ULK4: variants seen among roughly 807,000 people sequenced by gnomAD.
The protein encoded by ULK4 is unc-51 like kinase 4, also known as inactive serine/threonine-protein kinase ULK4.
ULK4 carries 133 observed loss-of-function variants against 160.6 expected under a neutral mutation model. That is an observed-to-expected ratio of 0.83 (90% CI 0.72 to 0.96). ULK4 has a LOEUF of 0.96. Ranked by LOEUF, ULK4 falls within the 40% of genes least tolerant of loss-of-function variation. The pLI is 0.00. For synonymous variants in ULK4, 534 were observed against 539.8 expected (o/e 0.99, Z 0.15); for missense variants, 1,580 against 1,499.5 (o/e 1.05, Z -0.89).
At chr3:41,645,291 T>C (rs1012658341) in intron 30 of ULK4, among the ~76,000 whole-genome samples, 7 of 151,784 alleles carry the variant, frequency 4.6e-5, no homozygotes, top group Non-Finnish European at 7.4e-5. Context: ...TGTTAGGGTG[T>C]CAATATTGGA....
intron 18 of ULK4, among the ~76,000 whole-genome samples, chr3:41,826,119 T>A (rs1232261929): frequency 1.3e-5 from 2 of 152,164 alleles, no homozygotes; most frequent in Admixed American, 1.3e-4. Context: ...TGACAGATTT[T>A]GACACCACCA....
At chr3:41,645,270 TTTAA>T (rs1269724276) in intron 30 of ULK4, among the ~76,000 whole-genome samples, 1 of 151,814 alleles carries the variant, frequency 6.6e-6, no homozygotes, top group Non-Finnish European at 1.5e-5. Context: ...TTCTAGTTCT[TTTAA>T]TTGTGATGTT....
chr3:41,924,714 G>A (rs1260975525), intron 5 of ULK4, among the ~76,000 whole-genome samples: 3 of 152,158 alleles, frequency 2.0e-5, no homozygotes, highest in Non-Finnish European at 4.4e-5. Context: ...TCTTGGGCAT[G>A]AAATCTTACC....
intron 32 of ULK4, among the ~76,000 whole-genome samples, chr3:41,535,366 G>C (rs955058906): frequency 6.6e-6 from 1 of 152,174 alleles, no homozygotes; most frequent in African/African-American, 2.4e-5. Context: ...ACTAACTCTT[G>C]GTGTGGGCTG....
chr3:41,641,533 C>T (rs938768074), intron 30 of ULK4, among the ~76,000 whole-genome samples: 1 of 152,018 alleles, frequency 6.6e-6, no homozygotes, highest in African/African-American at 2.4e-5. Context: ...CCCATCACTA[C>T]AAAGAATAAA....
At chr3:41,806,722 T>C (rs2040654319) in intron 19 of ULK4, among the ~76,000 whole-genome samples, 1 of 152,066 alleles carries the variant, frequency 6.6e-6, no homozygotes, top group African/African-American at 2.4e-5. Flanking sequence ...ATCTTTATTT[T>C]AGGCAAAGCT....
intron 30 of ULK4, among the ~76,000 whole-genome samples, chr3:41,630,106 A>T (rs2033684858): frequency 6.6e-6 from 1 of 152,180 alleles, no homozygotes; most frequent in South Asian, 2.1e-4. Flanking sequence ...TTAGTTTTCT[A>T]TTGCTGCCTA....
chr3:41,790,065 G>A (rs1192613110), intron 20 of ULK4, among the ~76,000 whole-genome samples: 1 of 152,178 alleles, frequency 6.6e-6, no homozygotes, highest in East Asian at 1.9e-4. Context: ...AGAGACTATT[G>A]TAGTAATAAC....
At chr3:41,895,019 A>T (rs1698106571) in intron 16 of ULK4, among the ~76,000 whole-genome samples, 1 of 152,194 alleles carries the variant, frequency 6.6e-6, no homozygotes, top group Non-Finnish European at 1.5e-5. Context: ...GTGCTACATG[A>T]GGGAAAGATA....
chr3:41,782,244 C>G (rs145594446), intron 21 of ULK4, among the ~76,000 whole-genome samples: 2 of 151,802 alleles, frequency 1.3e-5, no homozygotes, highest in East Asian at 3.9e-4. Flanking sequence ...TGCAGAGTAC[C>G]TACTCAGCCA....
rs911920039 is a variant in ULK4, at chr3:41,840,525, G to A, written c.1657-4554C>T. Among the ~76,000 whole-genome samples the A allele has an allele frequency of 1.8e-4, 28 of 152,326 alleles. No homozygotes were observed. In the Middle Eastern group the frequency reaches 0.01, roughly 56 times the overall value. On this transcript the variant is annotated intron_variant, in intron 17 of 36. Coordinates refer to ENST00000301831, the MANE Select transcript of ULK4 (RefSeq NM_017886.4). Reference sequence around the variant, plus strand: ...CGAGTGCCTGCGATTGCAGGCGCGCGCCGCCACACCTGACTGGTTTTTGTA... The same window carrying A: ...CGAGTGCCTGCGATTGCAGGCGCGCACCGCCACACCTGACTGGTTTTTGTA...
chr3:41,660,558 G>A (rs542226377), intron 30 of ULK4, among the ~76,000 whole-genome samples: 1 of 152,260 alleles, frequency 6.6e-6, no homozygotes, highest in South Asian at 2.1e-4. Context: ...AAATTCAAAA[G>A]TCTAATTACT....
intron 32 of ULK4, among the ~76,000 whole-genome samples, chr3:41,513,656 C>T (rs1422168603): frequency 6.6e-6 from 1 of 152,152 alleles, no homozygotes; most frequent in African/African-American, 2.4e-5. Flanking sequence ...AAAATAATGA[C>T]ATTCACAGCA....
At chr3:41,836,851 A>T (rs2041773729) in intron 17 of ULK4, among the ~76,000 whole-genome samples, 1 of 152,174 alleles carries the variant, frequency 6.6e-6, no homozygotes, top group African/African-American at 2.4e-5. Flanking sequence ...GCCAGAGTTC[A>T]TACACCAGAA....
At chr3:41,343,502 C>T (rs149785822) in intron 35 of ULK4, among the ~76,000 whole-genome samples, 6,145 of 151,610 alleles carry the variant, frequency 0.041, 313 homozygotes, top group East Asian at 0.19. Context: ...AGGGGTTTCA[C>T]CATGTTGGCC....
intron 31 of ULK4, among the ~76,000 whole-genome samples, chr3:41,576,101 G>A (rs562423475): frequency 6.6e-6 from 1 of 152,312 alleles, no homozygotes; most frequent in South Asian, 2.1e-4. Context: ...AAAGTAGGGA[G>A]GACAAATGAA....
At chr3:41,730,281 A>C (rs1270741593) in intron 22 of ULK4, among the ~76,000 whole-genome samples, 1 of 152,186 alleles carries the variant, frequency 6.6e-6, no homozygotes, top group Non-Finnish European at 1.5e-5. Flanking sequence ...GAAGGAAAGA[A>C]GTAACATAAG....
At chr3:41,469,528 C>T (rs1239318110) in intron 32 of ULK4, among the ~76,000 whole-genome samples, 1 of 144,340 alleles carries the variant, frequency 6.9e-6, no homozygotes, top group South Asian at 2.2e-4. Flanking sequence ...AAAGCAAGCT[C>T]TGCCTGCCCA....
In ULK4 at chr3:41,661,795, A is replaced by T. The variant is rs79704734; in HGVS notation, c.3071+1812T>A. On this transcript the variant is annotated intron_variant, in intron 30 of 36. Coordinates refer to ENST00000301831, the MANE Select transcript of ULK4 (RefSeq NM_017886.4). ...CTATTCCACTAAATTCTGCTTGTAAACTTTTTTAAAAACTAGAGTAAACGG... is the reference window on the plus strand; with the variant it reads ...CTATTCCACTAAATTCTGCTTGTAATCTTTTTTAAAAACTAGAGTAAACGG... Among the ~76,000 whole-genome samples, 748 of 152,262 alleles carry T rather than the reference A, an allele frequency of 4.9e-3. 3 individuals carry two copies. The highest frequency in any genetic ancestry group is 0.02 in the Middle Eastern group (6 of 294).
Sources: allele counts gnomAD v4.1 joint callset (sites outside exome capture counted in the v4.1 genomes callset), GRCh38; gene constraint gnomAD v4.1.1; transcripts MANE v1.5; gene names NCBI Gene and HGNC (gene_info 2026-07-23, HGNC 2026-07-21).